The following NELL1 variants were observed in gnomAD, a reference collection of about 807,000 sequenced individuals.
The protein encoded by NELL1 is neural EGFL like 1, also known as protein kinase C-binding protein NELL1.
Under a neutral mutation model 107.4 loss-of-function variants are expected in NELL1, and 76 were observed. The observed-to-expected ratio is 0.71, with a 90% CI of 0.59 to 0.86. NELL1 has a LOEUF of 0.86. NELL1 is among the 40% of genes least tolerant of loss of function. The probability of loss-of-function intolerance (pLI) is 0.00; values close to 1 mark genes in which losing one functional copy is unlikely to be tolerated. For missense variants in NELL1, 1,024 were observed against 1,005.5 expected (o/e 1.02, Z -0.25); for synonymous variants, 353 against 341.2 (o/e 1.03, Z -0.38).
At chr11:21,306,879 C>T (rs1325436878) in intron 14 of NELL1, among the ~76,000 whole-genome samples, 5 of 152,016 alleles carry the variant, frequency 3.3e-5, no homozygotes, top group African/African-American at 9.7e-5. Flanking sequence ...AATGTAATAA[C>T]ATTTAAGATG....
intron 14 of NELL1, among the ~76,000 whole-genome samples, chr11:21,368,023 TTAGAC>T (rs1157452785): frequency 6.6e-6 from 1 of 152,094 alleles, no homozygotes; most frequent in East Asian, 1.9e-4. Context: ...TGCACAATCT[TTAGAC>T]TAAGATACAT....
chr11:21,261,609 G>T (rs149508092), intron 14 of NELL1, among the ~76,000 whole-genome samples: 17 of 151,862 alleles, frequency 1.1e-4, no homozygotes, highest in African/African-American at 4.1e-4. Context: ...AGCGATTAAA[G>T]AATTTGCCCA....
chr11:20,802,250 C>T (rs1156962170), intron 3 of NELL1, among the ~76,000 whole-genome samples: 1 of 151,978 alleles, frequency 6.6e-6, no homozygotes, highest in East Asian at 1.9e-4. Context: ...TGTGTTTGTC[C>T]TCTTCACATT....
chr11:21,253,126 C>T (rs1180768247), intron 14 of NELL1, among the ~76,000 whole-genome samples: 1 of 151,972 alleles, frequency 6.6e-6, no homozygotes, highest in East Asian at 1.9e-4. Flanking sequence ...CTAGAATGAC[C>T]TTTAGGGATC....
intron 15 of NELL1, among the ~76,000 whole-genome samples, chr11:21,432,851 T>C (rs1853000769): frequency 6.6e-6 from 1 of 152,198 alleles, no homozygotes; most frequent in Admixed American, 6.5e-5. Flanking sequence ...ACATTAATCA[T>C]TTGTGTTGTG....
chr11:21,232,137 T>TAAAA (rs764469809), intron 14 of NELL1, among the ~76,000 whole-genome samples: 10 of 57,626 alleles, frequency 1.7e-4, no homozygotes, highest in Non-Finnish European at 2.9e-4. Context: ...CCATCTCTAC[T>TAAAA]AAAAAAAAAT....
At chr11:21,324,060 G>T (rs11603932) in intron 14 of NELL1, among the ~76,000 whole-genome samples, 32,516 of 152,026 alleles carry the variant, frequency 0.21, 4,348 homozygotes, top group Middle Eastern at 0.37. Flanking sequence ...TAAGGGGAAG[G>T]ATTAACATTT....
intron 14 of NELL1, among the ~76,000 whole-genome samples, chr11:21,249,821 A>C (rs568983814): frequency 1.3e-5 from 2 of 152,330 alleles, no homozygotes; most frequent in South Asian, 2.1e-4. Flanking sequence ...AAATTTTAAA[A>C]GGTAACTGTC....
chr11:21,061,848 C>T (rs144474345), intron 12 of NELL1, among the ~76,000 whole-genome samples: 195 of 152,220 alleles, frequency 1.3e-3, no homozygotes, highest in African/African-American at 4.4e-3. Context: ...TTAACTGAGC[C>T]ATGTTTTATT....
At chr11:20,921,368 CT>C (rs1002190942) in intron 7 of NELL1, among the ~76,000 whole-genome samples, 3 of 152,090 alleles carry the variant, frequency 2.0e-5, no homozygotes, top group African/African-American at 7.2e-5. Flanking sequence ...TTTGAGCTTG[CT>C]TTAATTCATT....
At chr11:21,368,850 A>G (rs1360904722) in intron 14 of NELL1, among the ~76,000 whole-genome samples, 2 of 152,078 alleles carry the variant, frequency 1.3e-5, no homozygotes, top group Admixed American at 6.6e-5. Context: ...ATTTAACAGG[A>G]TATTTATATA....
intron 15 of NELL1, among the ~76,000 whole-genome samples, chr11:21,412,995 T>C (rs1852416927): frequency 6.6e-6 from 1 of 152,116 alleles, no homozygotes; most frequent in Admixed American, 6.5e-5. Flanking sequence ...CACTCTCTAG[T>C]CTCAACGACA....
chr11:21,116,170 C>T (rs1855230841), intron 13 of NELL1, among the ~76,000 whole-genome samples: 1 of 152,036 alleles, frequency 6.6e-6, no homozygotes. Flanking sequence ...ATCTCAGCAG[C>T]ATTTAGCAGG....
chr11:21,216,547 C>A (rs189534370), intron 13 of NELL1, among the ~76,000 whole-genome samples: 1 of 152,328 alleles, frequency 6.6e-6, no homozygotes, highest in African/African-American at 2.4e-5. Context: ...TGCTCAACAC[C>A]ATGGCAGCCC....
chr11:20,857,275 C>T (rs1564936283), intron 4 of NELL1, among the ~76,000 whole-genome samples: 1 of 152,086 alleles, frequency 6.6e-6, no homozygotes, highest in Non-Finnish European at 1.5e-5. Flanking sequence ...ATGAGAGAGT[C>T]GCTGAATAAA....
chr11:20,976,573 T>G (rs1029871383), intron 12 of NELL1, among the ~76,000 whole-genome samples: 4 of 152,170 alleles, frequency 2.6e-5, no homozygotes, highest in Non-Finnish European at 5.9e-5. Context: ...GTTTAGAACA[T>G]TTTACATACC....
chr11:21,448,898 A>C lies in NELL1; in HGVS notation c.1645+77950A>C, dbSNP rs1853511723. 1.3e-5 allele frequency among the ~76,000 whole-genome samples: 2 copies of C among 152,188 alleles called. 1 individual carries two copies. Among genetic ancestry groups the C allele is most frequent in the Admixed American group, 1.3e-4 (2 of 15,276 alleles). On this transcript the variant is annotated intron_variant, in intron 15 of 19. Coordinates refer to ENST00000357134, the MANE Select transcript of NELL1 (RefSeq NM_006157.5). Reference sequence around the variant, plus strand: ...GTTTTGCTTCTATCGATAGCTTATTACTTTTTAATACCAAATAGTATTCCA... The same window carrying C: ...GTTTTGCTTCTATCGATAGCTTATTCCTTTTTAATACCAAATAGTATTCCA...
At chr11:21,045,621 A>G (rs893446871) in intron 12 of NELL1, among the ~76,000 whole-genome samples, 4 of 152,116 alleles carry the variant, frequency 2.6e-5, no homozygotes, top group African/African-American at 7.2e-5. Flanking sequence ...TAATTAATTT[A>G]TGTTAATTTT....
intron 2 of NELL1, among the ~76,000 whole-genome samples, chr11:20,782,204 T>C (rs1025925306): frequency 3.9e-5 from 6 of 152,232 alleles, no homozygotes; most frequent in Non-Finnish European, 7.3e-5. Flanking sequence ...TTTTTCAAGA[T>C]GCTATCTCTT....
Sources: gnomAD v4.1 joint callset for allele counts (sites outside exome capture counted in the v4.1 genomes callset) on GRCh38, gnomAD v4.1.1 for gene constraint, MANE v1.5 for transcripts, NCBI Gene and HGNC (gene_info 2026-07-23, HGNC 2026-07-21) for gene names.